The following GDPD5 variants were observed in gnomAD, a reference collection of about 807,000 sequenced individuals.
GDPD5 encodes glycerophosphodiester phosphodiesterase 2.
GDPD5 carries 48 observed loss-of-function variants against 75.1 expected under a neutral mutation model. That is an observed-to-expected ratio of 0.64 (90% CI 0.51 to 0.81). The LOEUF (loss-of-function observed/expected upper bound fraction) is 0.81, where lower values mean the gene tolerates loss of function less well. Ranked by LOEUF, GDPD5 falls within the 40% of genes least tolerant of loss-of-function variation. The probability of loss-of-function intolerance (pLI) is 0.00; values close to 1 mark genes in which losing one functional copy is unlikely to be tolerated. For synonymous variants in GDPD5, 336 were observed against 339.0 expected (o/e 0.99, Z 0.10); for missense variants, 706 against 822.6 (o/e 0.86, Z 1.73).
chr11:75,456,577 GA>G, intron 6 of GDPD5, 179 bp downstream of exon 6: 1 of 618,994 alleles, frequency 1.6e-6, no homozygotes, highest in Non-Finnish European at 2.9e-6. Flanking sequence ...AGGGTTAAGT[GA>G]ATGAAGACGG....
chr11:75,498,323 G>C (rs956217734), intron 1 of GDPD5, among the ~76,000 whole-genome samples: 1 of 152,228 alleles, frequency 6.6e-6, no homozygotes, highest in Non-Finnish European at 1.5e-5. Context: ...GTTGACCAAC[G>C]CAAGTTCCCC....
intron 1 of GDPD5, among the ~76,000 whole-genome samples, chr11:75,500,630 G>A (rs930109800): frequency 2.0e-5 from 3 of 152,108 alleles, no homozygotes; most frequent in East Asian, 1.9e-4. Context: ...GCTGGACCAA[G>A]TTCAAGACTC....
chr11:75,496,779 C>CTTTCTTTCTT (rs58663409), intron 1 of GDPD5, among the ~76,000 whole-genome samples: 3 of 103,112 alleles, frequency 2.9e-5, no homozygotes, highest in Non-Finnish European at 5.5e-5. Flanking sequence ...TTCTTTCTTT[C>CTTTCTTTCTT]TTTTTTTTTT....
Position 75,441,155 on chromosome 11 carries a change from C to T in GDPD5, c.1473+8G>A, listed in dbSNP as rs766794482. The T allele has an allele frequency of 6.9e-5, 111 of 1,613,260 alleles. 1 individual carries two copies. The Middle Eastern group carries it at 1.2e-3, about 17-fold the overall frequency. On this transcript the variant is annotated splice_region_variant and intron_variant, in intron 14 of 16. Coordinates refer to ENST00000336898, the MANE Select transcript of GDPD5 (RefSeq NM_030792.8). Reference sequence around the variant, plus strand: ...TGCCCCCCAGGGGCCCTCTGCCCCCCAACTCACCATGATCCAGAGGGGGGA... The same window carrying T: ...TGCCCCCCAGGGGCCCTCTGCCCCCTAACTCACCATGATCCAGAGGGGGGA...
intron 1 of GDPD5, among the ~76,000 whole-genome samples, chr11:75,495,716 GC>G: frequency 6.6e-6 from 1 of 152,152 alleles, no homozygotes; most frequent in Non-Finnish European, 1.5e-5. Flanking sequence ...CAGTCTCCTG[GC>G]TTGCTTTACA....
At chr11:75,522,753 A>G (rs1009794037) in intron 1 of GDPD5, among the ~76,000 whole-genome samples, 1 of 152,064 alleles carries the variant, frequency 6.6e-6, no homozygotes, top group Non-Finnish European at 1.5e-5. Context: ...ACATAGAGCT[A>G]TTTCCCTGAG....
At chr11:75,488,850 G>T (rs1950059687) in intron 2 of GDPD5, among the ~76,000 whole-genome samples, 1 of 152,134 alleles carries the variant, frequency 6.6e-6, no homozygotes, top group African/African-American at 2.4e-5. Flanking sequence ...AGCTTCCCCG[G>T]GTTCAGACTT....
intron 11 of GDPD5, chr11:75,442,795 G>A (rs1012628620): frequency 4.9e-6 from 3 of 606,706 alleles, no homozygotes; most frequent in Admixed American, 5.9e-5. Flanking sequence ...AGGACGGCTT[G>A]CTTGGAATCG....
chr11:75,480,514 T>C (rs551803360), intron 2 of GDPD5, among the ~76,000 whole-genome samples: 3 of 152,338 alleles, frequency 2.0e-5, no homozygotes, highest in East Asian at 3.9e-4. Context: ...CTGGATCATA[T>C]GGTAACTTTT....
At chr11:75,480,382 A>C (rs956962872) in intron 2 of GDPD5, among the ~76,000 whole-genome samples, 4 of 151,336 alleles carry the variant, frequency 2.6e-5, no homozygotes, top group Non-Finnish European at 4.4e-5. Flanking sequence ...TTTTGAGATA[A>C]GGTCTTGCTC....
At position 75,462,778 on chromosome 11, in the gene GDPD5, C is replaced by A; in HGVS notation, c.221+8G>T. 1 of 1,609,944 alleles carries A rather than the reference C, an allele frequency of 6.2e-7. No homozygotes were observed. The highest frequency in any genetic ancestry group is 8.5e-7 in the Non-Finnish European group (1 of 1,176,466). On this transcript the variant is annotated splice_region_variant and intron_variant, in intron 4 of 16. Coordinates refer to ENST00000336898, the MANE Select transcript of GDPD5 (RefSeq NM_030792.8). ...CCCCTTCCTCCCCCACCCACTGCCC[C>A]TACTCACCAGTTGAATTCATCATAG...
intron 2 of GDPD5, among the ~76,000 whole-genome samples, chr11:75,479,725 T>TAA (rs1448600009): frequency 6.6e-6 from 1 of 151,858 alleles, no homozygotes; most frequent in African/African-American, 2.4e-5. Context: ...TTCACTCCTC[T>TAA]GGCCCTGGCA....
At chr11:75,488,060 C>G (rs1950048028) in intron 2 of GDPD5, among the ~76,000 whole-genome samples, 1 of 152,206 alleles carries the variant, frequency 6.6e-6, no homozygotes, top group African/African-American at 2.4e-5. Flanking sequence ...CCCTGTGCTG[C>G]TCTTACTGGT....
intron 1 of GDPD5, among the ~76,000 whole-genome samples, chr11:75,500,499 G>C (rs573132108): frequency 2.0e-5 from 3 of 152,126 alleles, no homozygotes; most frequent in Admixed American, 6.5e-5. Context: ...CCCTTCGCTG[G>C]ATCCTCTCTG....
chr11:75,457,451 C>T (rs1424280583), intron 5 of GDPD5, among the ~76,000 whole-genome samples: 6 of 152,230 alleles, frequency 3.9e-5, no homozygotes, highest in Non-Finnish European at 8.8e-5. Flanking sequence ...CAACTTCCTA[C>T]TAGTGGCATG....
At chr11:75,513,888 G>T (rs1180270853) in intron 1 of GDPD5, among the ~76,000 whole-genome samples, 2 of 152,238 alleles carry the variant, frequency 1.3e-5, no homozygotes, top group Non-Finnish European at 2.9e-5. Context: ...AGAGGGCACG[G>T]CCTGGCCCAG....
chr11:75,461,862 C>G (rs1271003678), intron 4 of GDPD5, among the ~76,000 whole-genome samples: 2 of 152,212 alleles, frequency 1.3e-5, no homozygotes, highest in Non-Finnish European at 2.9e-5. Flanking sequence ...TGACCTGGGC[C>G]TGTTTCCTTA....
intron 6 of GDPD5, among the ~76,000 whole-genome samples, chr11:75,453,261 G>C (rs1382603017): frequency 6.6e-5 from 10 of 152,050 alleles, no homozygotes; most frequent in Non-Finnish European, 1.5e-5. Context: ...ACCCTGTCCT[G>C]AGCATCTCTG....
At position 75,443,267 on chromosome 11, in the gene GDPD5, G is replaced by T; in HGVS notation, c.817C>A (p.Leu273Ile). The T allele has an allele frequency of 6.2e-7, 1 of 1,610,128 alleles. No homozygotes were observed. ...ITISLDGVPF[L>I]MHDTTLRRTT... ...CGCCGCAGGGTGGTGTCATGCATGA[G>T]GAAGGGCACGCCGTCCAGGCTGCAG... Residue 273 changes from leucine (L) to isoleucine (I), a missense_variant, in exon 11 of 17, where the codon CTC (leucine) becomes ATC (isoleucine). Transcript: ENST00000336898.
Sources: gnomAD v4.1 joint callset for allele counts (sites outside exome capture counted in the v4.1 genomes callset) on GRCh38, gnomAD v4.1.1 for gene constraint, MANE v1.5 for transcripts, NCBI Gene and HGNC (gene_info 2026-07-23, HGNC 2026-07-21) for gene names.